The following VPS8 variants were observed in gnomAD, a reference collection of about 807,000 sequenced individuals.
VPS8 encodes the protein vacuolar protein sorting-associated protein 8 homolog.
VPS8 carries 129 observed loss-of-function variants against 216.4 expected under a neutral mutation model. That is an observed-to-expected ratio of 0.60 (90% CI 0.52 to 0.69). The LOEUF (loss-of-function observed/expected upper bound fraction) is 0.69, where lower values mean the gene tolerates loss of function less well. VPS8 is among the 30% of genes least tolerant of loss of function. The pLI is 0.00. For missense variants in VPS8, 1,531 were observed against 1,683.5 expected (o/e 0.91, Z 1.59); for synonymous variants, 571 against 565.4 (o/e 1.01, Z -0.14).
At chr3:184,940,319 C>T (rs1383983135) in intron 36 of VPS8, 76 bp downstream of exon 36, 9 of 567,194 alleles carry the variant, frequency 1.6e-5, no homozygotes, top group Non-Finnish European at 2.3e-5. Flanking sequence ...ATAAAGTTAC[C>T]AGCCCATGGT....
chr3:185,031,065 T>G (rs1007894962), intron 46 of VPS8, among the ~76,000 whole-genome samples: 2 of 122,138 alleles, frequency 1.6e-5, no homozygotes, highest in Admixed American at 7.7e-5. Flanking sequence ...AGGTTGGCGT[T>G]TTTTTTTTTT....
chr3:184,840,681 C>T (rs1721970683), intron 7 of VPS8: 2 of 152,118 alleles, frequency 1.3e-5, no homozygotes, highest in African/African-American at 4.8e-5. Flanking sequence ...CACCGCACTC[C>T]AGCCTGGGCA....
At chr3:185,007,706 T>C (rs146025002) in intron 45 of VPS8, among the ~76,000 whole-genome samples, 1,633 of 152,290 alleles carry the variant, frequency 0.011, 32 homozygotes, top group African/African-American at 0.037. Flanking sequence ...ACTGAGTTTT[T>C]CCCCACTACT....
intron 46 of VPS8, among the ~76,000 whole-genome samples, chr3:185,030,928 G>C (rs1758028856): frequency 6.6e-6 from 1 of 151,568 alleles, no homozygotes; most frequent in Admixed American, 6.6e-5. Context: ...ATGCCTGGCT[G>C]ATTTTTTTTT....
intron 29 of VPS8, among the ~76,000 whole-genome samples, chr3:184,921,678 C>A (rs576441417): frequency 6.6e-6 from 1 of 152,194 alleles, no homozygotes; most frequent in Non-Finnish European, 1.5e-5. Flanking sequence ...ATTCTCCTGC[C>A]TCAGCCTCCA....
intron 45 of VPS8, among the ~76,000 whole-genome samples, chr3:185,003,411 C>G (rs1169928294): frequency 1.4e-5 from 2 of 145,332 alleles, no homozygotes; most frequent in African/African-American, 5.2e-5. Flanking sequence ...TTGCACCGCC[C>G]TTAATCCATT....
intron 46 of VPS8, among the ~76,000 whole-genome samples, chr3:185,041,502 C>T (rs1029733430): frequency 2.0e-5 from 3 of 152,074 alleles, no homozygotes; most frequent in Non-Finnish European, 2.9e-5. Flanking sequence ...TCACGGCTAC[C>T]GTCTTCTTGG....
chr3:185,013,258 A>G (rs1755304741), intron 45 of VPS8, among the ~76,000 whole-genome samples: 1 of 152,158 alleles, frequency 6.6e-6, no homozygotes, highest in Non-Finnish European at 1.5e-5. Context: ...GGGCCAGTTT[A>G]TGGCCAGATT....
chr3:185,032,089 G>A lies in VPS8; in HGVS notation c.4056+7700G>A, dbSNP rs145146493. Among the ~76,000 whole-genome samples, 1,351 of 152,088 alleles carry A rather than the reference G, an allele frequency of 8.9e-3. 22 individuals are homozygous for A. The highest frequency in any genetic ancestry group is 0.025 in the African/African-American group (1,050 of 41,462). On this transcript the variant is annotated intron_variant, in intron 46 of 47. Coordinates refer to ENST00000625842, the MANE Select transcript of VPS8 (RefSeq NM_001009921.3). ...TGAGGCAGGAGAATTGCTTGAACCC[G>A]GGAGGCGGAGGTTGCAGTGAGCTGA...
At chr3:184,999,409 G>A (rs1753093046) in intron 44 of VPS8, among the ~76,000 whole-genome samples, 1 of 152,132 alleles carries the variant, frequency 6.6e-6, no homozygotes, top group Non-Finnish European at 1.5e-5. Flanking sequence ...GGATTTCATA[G>A]TTTGAGAAAT....
intron 3 of VPS8, among the ~76,000 whole-genome samples, chr3:184,831,222 G>C (rs373530754): frequency 6.6e-6 from 1 of 152,210 alleles, no homozygotes; most frequent in East Asian, 1.9e-4. Context: ...CCAGCTTCTT[G>C]GAGGCTGGAG....
chr3:184,931,904 C>T (rs990316000), intron 34 of VPS8, among the ~76,000 whole-genome samples: 3 of 152,040 alleles, frequency 2.0e-5, no homozygotes, highest in African/African-American at 7.2e-5. Context: ...CACATGGATT[C>T]CAGACATCAA....
At chr3:184,971,573 G>A in intron 39 of VPS8, 76 bp from the exon 40 acceptor site, 1 of 1,133,102 alleles carries the variant, frequency 8.8e-7, no homozygotes, top group Admixed American at 2.6e-5. Flanking sequence ...AGAAAAAGAA[G>A]TTTAACTTTT....
intron 7 of VPS8, among the ~76,000 whole-genome samples, chr3:184,840,741 A>T (rs531796311): frequency 6.6e-6 from 1 of 151,824 alleles, no homozygotes; most frequent in South Asian, 2.1e-4. Context: ...TAAACAAAAA[A>T]CTATTAGTTT....
In VPS8 at chr3:184,839,721, G is replaced by A; in HGVS notation, c.504G>A (p.Val168=). The change falls in exon 7 of 48, where the codon GTG becomes GTA. Residue 168 remains valine (V), a synonymous_variant. Transcript: ENST00000625842. ...AGGCAGTATCCAGTCTGATAGCAGT[G>A]GGTACATCTCATGGATTGGCTTTAA... is the stretch of plus-strand genomic sequence containing the variant. The part of the protein sequence containing the change: ...TAIAVSSLIA[V]GTSHGLALIF... The A allele has an allele frequency of 6.2e-7, 1 of 1,606,602 alleles. No homozygotes were observed. The highest frequency in any genetic ancestry group is 8.5e-7 in the Non-Finnish European group (1 of 1,176,052).
intron 20 of VPS8, 97 bp downstream of exon 20, chr3:184,869,625 C>T: frequency 1.6e-6 from 2 of 1,225,428 alleles, no homozygotes; most frequent in Non-Finnish European, 2.3e-6. Context: ...TGGCTACAAT[C>T]TAGAAGAGAG....
chr3:184,849,211 CCTT>C lies in VPS8; in HGVS notation c.666+17_666+19del, dbSNP rs1284363389. The C allele has an allele frequency of 6.2e-7, 1 of 1,605,302 alleles. No individual in the cohort carries two copies. Among genetic ancestry groups the C allele is most frequent in the Middle Eastern group, 1.7e-4 (1 of 6,012 alleles). On this transcript the variant is annotated intron_variant, in intron 9 of 47. Coordinates refer to ENST00000625842, the MANE Select transcript of VPS8 (RefSeq NM_001009921.3). The stretch of plus-strand genomic sequence containing the variant: ...TAAAGGACAGGTAAGATATGAACCT[CCTT>C]TAATTCATAAGACAATGTTAAAACA...
chr3:184,897,898 C>T (rs1034807560), intron 23 of VPS8, among the ~76,000 whole-genome samples: 6 of 152,112 alleles, frequency 3.9e-5, no homozygotes, highest in African/African-American at 1.4e-4. Flanking sequence ...AAGCTCACTT[C>T]CACATTAGGT....
chr3:184,898,610 T>C lies in VPS8; in HGVS notation c.2050T>C (p.Tyr684His). Residue 684 changes from tyrosine to histidine, a missense_variant, in exon 24 of 48, where the codon TAT (tyrosine) becomes CAT (histidine). Physicochemically the swap from Tyr to His is moderately conservative, Grantham distance 83. Coordinates refer to ENST00000625842, the MANE Select transcript of VPS8 (RefSeq NM_001009921.3). ...AAATCGTTTATATGATGCTATGATC[T>C]ATGTCTACAACAGAGGCATGAATGA... ...WENRLYDAMI[Y>H]VYNRGMNEFI... 1 of 1,555,344 alleles carries C rather than the reference T, an allele frequency of 6.4e-7. No individual in the cohort carries two copies. Among genetic ancestry groups the C allele is most frequent in the Non-Finnish European group, 8.7e-7 (1 of 1,148,332 alleles).
Sources: allele counts gnomAD v4.1 joint callset (sites outside exome capture counted in the v4.1 genomes callset), GRCh38; gene constraint gnomAD v4.1.1; transcripts MANE v1.5; gene names NCBI Gene and HGNC (gene_info 2026-07-23, HGNC 2026-07-21).